GPATCH2: variants seen among roughly 807,000 people sequenced by gnomAD.
GPATCH2 encodes G-patch domain containing 2.
In GPATCH2, 51 loss-of-function variants were observed where a neutral mutation model predicts 58.0. The ratio of observed to expected loss-of-function variants is 0.88; its 90% confidence interval spans 0.70 to 1.11. The LOEUF (loss-of-function observed/expected upper bound fraction) is 1.11, where lower values mean the gene tolerates loss of function less well. GPATCH2 is among the 50% of genes most tolerant of loss of function. The pLI is 0.00. For missense variants in GPATCH2, 625 were observed against 652.2 expected, an observed-to-expected ratio of 0.96 and a Z score of 0.45; for synonymous variants, 222 against 218.5, an observed-to-expected ratio of 1.02 and a Z score of -0.14.
intron 6 of GPATCH2, among the ~76,000 whole-genome samples, chr1:217,506,568 T>A (rs1361461974): frequency 6.6e-6 from 1 of 152,178 alleles, no homozygotes; most frequent in Non-Finnish European, 1.5e-5. Flanking sequence ...CTCCTTATGA[T>A]TGTCAATGTA....
chr1:217,609,984 T>G, intron 5 of GPATCH2: 1 of 1,368,992 alleles, frequency 7.3e-7, no homozygotes, highest in Non-Finnish European at 9.4e-7. Context: ...TCAGGTTCAC[T>G]TCTGACTAAA....
At chr1:217,624,179 T>G (rs537213591) in intron 1 of GPATCH2, among the ~76,000 whole-genome samples, 1 of 152,082 alleles carries the variant, frequency 6.6e-6, no homozygotes, top group Non-Finnish European at 1.5e-5. Flanking sequence ...GCCAGTAATA[T>G]TATAGTCAAT....
At chr1:217,623,259 A>T (rs987737015) in intron 1 of GPATCH2, among the ~76,000 whole-genome samples, 1 of 152,140 alleles carries the variant, frequency 6.6e-6, no homozygotes, top group African/African-American at 2.4e-5. Context: ...AATTAACTCG[A>T]TGTATGAATA....
chr1:217,428,983 C>T lies in GPATCH2; in HGVS notation c.*2162G>A, dbSNP rs1658418881. 1 of 152,022 alleles carries T rather than the reference C, an allele frequency of 6.6e-6. No individual in the cohort carries two copies. The highest frequency in any genetic ancestry group is 1.5e-5 in the Non-Finnish European group (1 of 67,994). The allele number at this position is 152,022 out of a possible 1,614,324, so 9.4% of individuals were successfully genotyped here. A position where few individuals can be genotyped will look rare whatever the true frequency, so the allele number is the denominator to read the frequency against. On this transcript the variant is annotated 3_prime_UTR_variant, in exon 10 of 10. Transcript: ENST00000366935. ...ACATAATAAGGTGAAAAAGAACAGC[C>T]AAGTCCTCAGGAGTGTGGAACCAGG...
intron 7 of GPATCH2, chr1:217,492,381 CCTAA>C (rs772340276): frequency 1.4e-4 from 21 of 152,216 alleles, no homozygotes; most frequent in South Asian, 6.2e-4. Context: ...CTTGCTTTAC[CCTAA>C]CTAATTGGAA....
At chr1:217,525,601 A>T (rs1663863121) in intron 5 of GPATCH2, among the ~76,000 whole-genome samples, 1 of 152,220 alleles carries the variant, frequency 6.6e-6, no homozygotes, top group South Asian at 2.1e-4. Flanking sequence ...TAGGTTATAT[A>T]GAGCCTATTA....
At chr1:217,459,031 G>A (rs1660081516) in intron 8 of GPATCH2, among the ~76,000 whole-genome samples, 1 of 152,138 alleles carries the variant, frequency 6.6e-6, no homozygotes. Flanking sequence ...CACAAGAAAA[G>A]CTTATTGAAC....
chr1:217,537,086 C>T (rs1327081509), intron 5 of GPATCH2, among the ~76,000 whole-genome samples: 1 of 152,188 alleles, frequency 6.6e-6, no homozygotes, highest in Non-Finnish European at 1.5e-5. Flanking sequence ...AGTATTTTCT[C>T]TAAAATCCTT....
At chr1:217,591,487 A>G (rs985601750) in intron 5 of GPATCH2, among the ~76,000 whole-genome samples, 1 of 152,160 alleles carries the variant, frequency 6.6e-6, no homozygotes, top group African/African-American at 2.4e-5. Flanking sequence ...GGAGACAGAC[A>G]AAAGGACCAG....
At chr1:217,565,708 A>G (rs142794541) in intron 5 of GPATCH2, among the ~76,000 whole-genome samples, 1 of 152,250 alleles carries the variant, frequency 6.6e-6, no homozygotes, top group Non-Finnish European at 1.5e-5. Context: ...CAAGTGTTCT[A>G]AGGAATATAT....
intron 9 of GPATCH2, 114 bp from the exon 10 acceptor site, chr1:217,431,479 C>T (rs2102518899): frequency 4.4e-6 from 3 of 680,832 alleles, no homozygotes; most frequent in Non-Finnish European, 8.0e-6. Flanking sequence ...CAACCAGGTA[C>T]TAGAGGGGGT....
intron 8 of GPATCH2, among the ~76,000 whole-genome samples, chr1:217,482,229 T>G (rs1046219891): frequency 3.3e-5 from 5 of 152,226 alleles, no homozygotes; most frequent in Non-Finnish European, 7.3e-5. Flanking sequence ...AAACATTTAT[T>G]GCCTAATAGC....
intron 5 of GPATCH2, among the ~76,000 whole-genome samples, chr1:217,542,317 C>G (rs1664788521): frequency 6.6e-6 from 1 of 152,208 alleles, no homozygotes. Flanking sequence ...CGCAGTGACA[C>G]AGTCTCCGAT....
At position 217,545,255 on chromosome 1, in the gene GPATCH2, G is replaced by A. The variant is rs188176301; in HGVS notation, c.1099-30366C>T. Among the ~76,000 whole-genome samples, 74 of 152,282 alleles carry A rather than the reference G, an allele frequency of 4.9e-4. 1 individual carries two copies. The highest frequency in any genetic ancestry group is 1.6e-3 in the African/African-American group (68 of 41,552). On this transcript the variant is annotated intron_variant, in intron 5 of 9. Coordinates refer to ENST00000366935, the MANE Select transcript of GPATCH2 (RefSeq NM_018040.5). Reference sequence around the variant, plus strand: ...GAGATTCCAGGTGACCCTTCAATTCGGAAATGTGAGTGGAGAGCGACAGTG... The same window carrying A: ...GAGATTCCAGGTGACCCTTCAATTCAGAAATGTGAGTGGAGAGCGACAGTG...
intron 6 of GPATCH2, among the ~76,000 whole-genome samples, chr1:217,511,914 G>A (rs1461822606): frequency 6.6e-6 from 1 of 152,010 alleles, no homozygotes; most frequent in East Asian, 1.9e-4. Flanking sequence ...GGTGTCCTGT[G>A]GCTTCTCCTT....
Position 217,620,497 on chromosome 1 carries a change from T to G in GPATCH2, c.59A>C (p.His20Pro). 6.4e-7 allele frequency: 1 copy of G among 1,571,600 alleles called. No homozygotes were observed. The highest frequency in any genetic ancestry group is 8.7e-7 in the Non-Finnish European group (1 of 1,153,254). Reference protein sequence around the residue: ...IGAPAAGNSWHFSRTMEELVH... With the variant: ...IGAPAAGNSWPFSRTMEELVH... ...CAGCTCCTCCATGGTTCTACTGAAA[T>G]GCCTTCATTTTTTAGAGAAAGAAAA... Residue 20 changes from histidine to proline, a missense_variant and splice_region_variant, in exon 2 of 10, where the codon CAT becomes CCT. Transcript: ENST00000366935.
In GPATCH2 at chr1:217,611,052, G is replaced by C. The variant is rs1668597154; in HGVS notation, c.855C>G (p.Asp285Glu). The C allele has an allele frequency of 1.2e-6, 2 of 1,612,864 alleles. No homozygotes were observed. The highest frequency in any genetic ancestry group is 1.7e-6 in the Non-Finnish European group (2 of 1,179,464). Residue 285 changes from aspartate (D) to glutamate (E), a missense_variant, in exon 4 of 10, where the codon GAC (aspartate) becomes GAG (glutamate). Coordinates refer to ENST00000366935, the MANE Select transcript of GPATCH2 (RefSeq NM_018040.5). ...EGRQGDDEQS[D>E]WFYEKESGGA... ...CACCTGATTCCTTTTCGTAGAACCA[G>C]TCACTCTGTTCATCATCACCTGTGC... is the stretch of plus-strand genomic sequence containing the variant.
chr1:217,544,401 A>G (rs1664921851), intron 5 of GPATCH2, among the ~76,000 whole-genome samples: 1 of 152,172 alleles, frequency 6.6e-6, no homozygotes, highest in South Asian at 2.1e-4. Flanking sequence ...CCAAAAACAA[A>G]CAAACAAACC....
At chr1:217,574,496 G>A (rs368529560) in intron 5 of GPATCH2, among the ~76,000 whole-genome samples, 1 of 152,052 alleles carries the variant, frequency 6.6e-6, no homozygotes, top group African/African-American at 2.4e-5. Flanking sequence ...TCAGTTACGG[G>A]GTGGTTTATC....
Sources: allele counts gnomAD v4.1 joint callset (sites outside exome capture counted in the v4.1 genomes callset), GRCh38; gene constraint gnomAD v4.1.1; transcripts MANE v1.5; gene names NCBI Gene and HGNC (gene_info 2026-07-23, HGNC 2026-07-21).